Variants in CSMD1 observed in about 807,000 individuals in gnomAD.
The protein encoded by CSMD1 is CUB and Sushi multiple domains 1.
In CSMD1, 213 loss-of-function variants were observed where a neutral mutation model predicts 417.5. The observed-to-expected ratio is 0.51, with a 90% CI of 0.46 to 0.57. CSMD1 has a LOEUF of 0.57. Ranked by LOEUF, CSMD1 falls within the 20% of genes least tolerant of loss-of-function variation. The probability of loss-of-function intolerance (pLI) is 0.00; values close to 1 mark genes in which losing one functional copy is unlikely to be tolerated. For missense variants in CSMD1, 6,923 were observed against 4,529.7 expected (o/e 1.53, Z -15.17); for synonymous variants, 2,862 against 1,736.8 (o/e 1.65, Z -16.11).
At chr8:4,555,448 A>T (rs1239397204) in intron 2 of CSMD1, among the ~76,000 whole-genome samples, 3 of 152,010 alleles carry the variant, frequency 2.0e-5, no homozygotes, top group African/African-American at 7.2e-5. Context: ...GTTGTCAAGG[A>T]CCTCACAAAT....
chr8:4,680,198 A>C (rs765660623), intron 1 of CSMD1, among the ~76,000 whole-genome samples: 3 of 152,196 alleles, frequency 2.0e-5, no homozygotes, highest in Non-Finnish European at 2.9e-5. Flanking sequence ...TTCAGATCTA[A>C]TTGTGTTCTG....
intron 1 of CSMD1, among the ~76,000 whole-genome samples, chr8:4,876,824 GT>G (rs1563652452): frequency 1.3e-5 from 2 of 151,982 alleles, no homozygotes; most frequent in Admixed American, 1.3e-4. Flanking sequence ...ATTAGTTCAA[GT>G]AATAGAAGTT....
In CSMD1 at chr8:4,992,348, C is replaced by A. The variant is rs1006038403; in HGVS notation, c.85+1984G>T. On this transcript the variant is annotated intron_variant, in intron 1 of 69. Coordinates refer to ENST00000635120, the MANE Select transcript of CSMD1 (RefSeq NM_033225.6). Reference sequence around the variant, plus strand: ...AGCTAGGGCCGCCGCGGTCTCCACGCAGCAACCTCTGCTAATTGCGGGGGA... The same window carrying A: ...AGCTAGGGCCGCCGCGGTCTCCACGAAGCAACCTCTGCTAATTGCGGGGGA... 1.5e-4 allele frequency among the ~76,000 whole-genome samples: 23 copies of A among 152,346 alleles called. No individual in the cohort carries two copies. The East Asian group carries it at 3.3e-3, about 22-fold the overall frequency.
intron 2 of CSMD1, among the ~76,000 whole-genome samples, chr8:4,530,340 T>TTTTTTTTTTTTTTTTTTTTTG (rs1296968153): frequency 7.0e-6 from 1 of 143,366 alleles, no homozygotes; most frequent in African/African-American, 2.6e-5. Context: ...TTTTTTTTTT[T>TTTTTTTTTTTTTTTTTTTTTG]TTTTACTTTC....
At chr8:3,848,226 C>T (rs936970695) in intron 5 of CSMD1, among the ~76,000 whole-genome samples, 1 of 152,152 alleles carries the variant, frequency 6.6e-6, no homozygotes, top group African/African-American at 2.4e-5. Flanking sequence ...GGACATTGAT[C>T]CTGCCCTTAA....
At chr8:4,297,496 C>T (rs79386797) in intron 3 of CSMD1, among the ~76,000 whole-genome samples, 2,748 of 152,268 alleles carry the variant, frequency 0.018, 45 homozygotes, top group Non-Finnish European at 0.028. Flanking sequence ...ACCAAAGTTA[C>T]ATTCAGGCCA....
At chr8:4,399,637 G>C (rs1358545536) in intron 3 of CSMD1, among the ~76,000 whole-genome samples, 1 of 151,928 alleles carries the variant, frequency 6.6e-6, no homozygotes, top group Non-Finnish European at 1.5e-5. Context: ...TGTCAACAAT[G>C]TGAATTTCAA....
chr8:4,046,778 G>C (rs143238057), intron 3 of CSMD1, among the ~76,000 whole-genome samples: 1 of 152,162 alleles, frequency 6.6e-6, no homozygotes, highest in Middle Eastern at 3.4e-3. Context: ...TGTAATTAAT[G>C]CACAGCCTGG....
chr8:3,096,511 T>G (rs962608455), intron 47 of CSMD1, among the ~76,000 whole-genome samples: 1 of 152,180 alleles, frequency 6.6e-6, no homozygotes, highest in Non-Finnish European at 1.5e-5. Flanking sequence ...ATGTAAAATG[T>G]GACTTGCTCC....
At chr8:3,054,376 G>C (rs1050912200) in intron 49 of CSMD1, among the ~76,000 whole-genome samples, 1 of 152,186 alleles carries the variant, frequency 6.6e-6, no homozygotes, top group Non-Finnish European at 1.5e-5. Context: ...CCAGCACTTT[G>C]GGAGGCTGAG....
chr8:3,401,071 T>C lies in CSMD1; in HGVS notation c.2267-1542A>G, dbSNP rs570489680. ...ATTATATGTAATTCAATTCTTTTGT[T>C]TTTTAAAGCAATGCAACACATTCTT... On this transcript the variant is annotated intron_variant, in intron 15 of 69. Coordinates refer to ENST00000635120, the MANE Select transcript of CSMD1 (RefSeq NM_033225.6). Among the ~76,000 whole-genome samples the C allele has an allele frequency of 1.6e-4, 24 of 151,962 alleles. 1 individual carries two copies. In the South Asian group the frequency reaches 4.4e-3, roughly 28 times the overall value.
chr8:4,178,515 T>G (rs1344409758), intron 3 of CSMD1, among the ~76,000 whole-genome samples: 20 of 151,120 alleles, frequency 1.3e-4, no homozygotes, highest in South Asian at 2.1e-4. Context: ...CTTTGAAAAC[T>G]GGCACAAGAC....
chr8:3,508,741 T>C (rs867554322), intron 10 of CSMD1, among the ~76,000 whole-genome samples: 12 of 152,094 alleles, frequency 7.9e-5, no homozygotes, highest in Admixed American at 6.6e-4. Context: ...ACAAATAAAA[T>C]TATCATTCTA....
intron 1 of CSMD1, among the ~76,000 whole-genome samples, chr8:4,746,727 C>T (rs1810978954): frequency 6.6e-6 from 1 of 152,142 alleles, no homozygotes; most frequent in South Asian, 2.1e-4. Flanking sequence ...CACAATCCAC[C>T]TCGGTGGGAG....
At chr8:3,962,050 G>A (rs1049250050) in intron 5 of CSMD1, among the ~76,000 whole-genome samples, 1 of 152,200 alleles carries the variant, frequency 6.6e-6, no homozygotes, top group Non-Finnish European at 1.5e-5. Context: ...GGACATGTGA[G>A]AAGGTGCACG....
chr8:3,651,838 C>T (rs1797873031), intron 7 of CSMD1, among the ~76,000 whole-genome samples: 1 of 151,080 alleles, frequency 6.6e-6, no homozygotes, highest in African/African-American at 2.4e-5. Flanking sequence ...ACCATCAGAG[C>T]ACCCACCATC....
chr8:4,106,195 T>C lies in CSMD1; in HGVS notation c.416-74096A>G, dbSNP rs555110657. 6.6e-5 allele frequency among the ~76,000 whole-genome samples: 10 copies of C among 152,230 alleles called. No homozygotes were observed. In the East Asian group the frequency reaches 1.7e-3, roughly 26 times the overall value. ...TCTGTGCCTGATGGACACCCGGAGA[T>C]CTATGAGAGGAATCCAGCATTGGGT... On this transcript the variant is annotated intron_variant, in intron 3 of 69. Transcript: ENST00000635120.
At chr8:4,592,207 C>G (rs1800026076) in intron 2 of CSMD1, among the ~76,000 whole-genome samples, 1 of 151,180 alleles carries the variant, frequency 6.6e-6, no homozygotes, top group South Asian at 2.1e-4. Flanking sequence ...CAACAAGAAT[C>G]TTCCTTTAAT....
intron 3 of CSMD1, among the ~76,000 whole-genome samples, chr8:4,259,155 C>T (rs184278649): frequency 7.2e-5 from 11 of 152,282 alleles, no homozygotes. Context: ...CAAACTATCT[C>T]ACACACGAAG....
Sources: allele counts gnomAD v4.1 joint callset (sites outside exome capture counted in the v4.1 genomes callset), GRCh38; gene constraint gnomAD v4.1.1; transcripts MANE v1.5; gene names NCBI Gene and HGNC (gene_info 2026-07-23, HGNC 2026-07-21).